RIT2: variants seen among roughly 807,000 people sequenced by gnomAD.
RIT2 encodes Ras like without CAAX 2, also known as GTP-binding protein Rit2.
Under a neutral mutation model 23.7 loss-of-function variants are expected in RIT2, and 24 were observed. That is an observed-to-expected ratio of 1.01 (90% CI 0.73 to 1.43). The LOEUF (loss-of-function observed/expected upper bound fraction) is 1.43, where lower values mean the gene tolerates loss of function less well. RIT2 is among the 40% of genes most tolerant of loss of function. RIT2 has a pLI of 0.00. For synonymous variants in RIT2, 107 were observed against 91.1 expected, an observed-to-expected ratio of 1.17 and a Z score of -0.99; for missense variants, 236 against 266.9, an observed-to-expected ratio of 0.88 and a Z score of 0.81.
At chr18:42,849,617 C>T (rs1447898372) in intron 4 of RIT2, among the ~76,000 whole-genome samples, 3 of 152,138 alleles carry the variant, frequency 2.0e-5, no homozygotes, top group African/African-American at 4.8e-5. Flanking sequence ...TGAAGCACCA[C>T]GTTATCTTCA....
At chr18:43,047,429 A>C (rs1912275097) in intron 1 of RIT2, among the ~76,000 whole-genome samples, 1 of 152,086 alleles carries the variant, frequency 6.6e-6, no homozygotes, top group Non-Finnish European at 1.5e-5. Context: ...ATTTCTGCCA[A>C]ATCACTCCCT....
chr18:42,974,564 G>A (rs1910436883), intron 2 of RIT2, among the ~76,000 whole-genome samples: 1 of 151,930 alleles, frequency 6.6e-6, no homozygotes, highest in Admixed American at 6.6e-5. Context: ...AGTACTAGAA[G>A]TCATAGCCAG....
intron 4 of RIT2, among the ~76,000 whole-genome samples, chr18:42,898,911 C>T (rs754863527): frequency 3.9e-5 from 6 of 152,102 alleles, no homozygotes; most frequent in East Asian, 1.9e-4. Flanking sequence ...TCCTTTTCAG[C>T]GCCCCTCATT....
intron 4 of RIT2, among the ~76,000 whole-genome samples, chr18:42,766,963 T>A (rs1353857426): frequency 6.6e-6 from 1 of 152,182 alleles, no homozygotes; most frequent in Non-Finnish European, 1.5e-5. Flanking sequence ...TTTGGGAGCC[T>A]CCGCCTAGAT....
At chr18:43,069,430 T>G (rs1261485659) in intron 1 of RIT2, among the ~76,000 whole-genome samples, 1 of 152,200 alleles carries the variant, frequency 6.6e-6, no homozygotes, top group East Asian at 1.9e-4. Flanking sequence ...ACCCGTTTCC[T>G]GTAACACTCT....
chr18:42,991,200 C>G (rs1295477130), intron 2 of RIT2, among the ~76,000 whole-genome samples: 1 of 152,148 alleles, frequency 6.6e-6, no homozygotes, highest in Admixed American at 6.5e-5. Flanking sequence ...ACTTTCCCAG[C>G]CCCTTTTGCA....
chr18:43,041,846 G>A (rs1486771795), intron 1 of RIT2, among the ~76,000 whole-genome samples: 1 of 151,888 alleles, frequency 6.6e-6, no homozygotes, highest in Non-Finnish European at 1.5e-5. Flanking sequence ...ACCCTCCTTG[G>A]AATGTCAGTG....
At chr18:42,750,853 G>A (rs1365612182) in intron 4 of RIT2, among the ~76,000 whole-genome samples, 1 of 151,508 alleles carries the variant, frequency 6.6e-6, no homozygotes, top group Non-Finnish European at 1.5e-5. Context: ...TTGAATCATA[G>A]GATGTCATAC....
chr18:42,998,166 T>C (rs1911029278), intron 2 of RIT2, among the ~76,000 whole-genome samples: 1 of 152,160 alleles, frequency 6.6e-6, no homozygotes, highest in South Asian at 2.1e-4. Flanking sequence ...ATTGTTTTAC[T>C]GGGAATTCCT....
chr18:43,067,809 C>T (rs985027642), intron 1 of RIT2, among the ~76,000 whole-genome samples: 3 of 151,344 alleles, frequency 2.0e-5, no homozygotes, highest in South Asian at 2.1e-4. Flanking sequence ...GTATGTCTGA[C>T]CCCTTGTTAC....
At chr18:42,830,434 G>T (rs1009255286) in intron 4 of RIT2, among the ~76,000 whole-genome samples, 2 of 152,190 alleles carry the variant, frequency 1.3e-5, no homozygotes, top group African/African-American at 4.8e-5. Context: ...ACAGACAGTA[G>T]TGAGAACTCC....
At chr18:42,783,569 A>C (rs1209418272) in intron 4 of RIT2, among the ~76,000 whole-genome samples, 4 of 152,088 alleles carry the variant, frequency 2.6e-5, no homozygotes, top group Non-Finnish European at 5.9e-5. Flanking sequence ...ATTTTAAAAC[A>C]AGTTCCAGAG....
At chr18:42,799,371 A>T (rs924516746) in intron 4 of RIT2, among the ~76,000 whole-genome samples, 61 of 152,210 alleles carry the variant, frequency 4.0e-4, no homozygotes, top group African/African-American at 1.4e-3. Flanking sequence ...CTCATAAATA[A>T]TCATCTTTCA....
At chr18:42,858,232 G>A (rs1283879150) in intron 4 of RIT2, among the ~76,000 whole-genome samples, 6 of 152,154 alleles carry the variant, frequency 3.9e-5, no homozygotes, top group Admixed American at 6.5e-5. Flanking sequence ...TTCAAGCAGA[G>A]TTGCTCTTAA....
chr18:42,904,437 T>C (rs1350614276), intron 4 of RIT2, among the ~76,000 whole-genome samples: 1 of 152,080 alleles, frequency 6.6e-6, no homozygotes, highest in East Asian at 1.9e-4. Flanking sequence ...ATTTAAGCAG[T>C]TTCCCAGAGA....
intron 1 of RIT2, among the ~76,000 whole-genome samples, chr18:43,094,123 GTTTTTT>G (rs376144367): frequency 3.4e-5 from 4 of 116,048 alleles, no homozygotes; most frequent in Non-Finnish European, 7.0e-5. Flanking sequence ...GGTTTTTTTT[GTTTTTT>G]TTTTTTTTTT....
intron 1 of RIT2, among the ~76,000 whole-genome samples, chr18:43,065,932 G>A (rs1434416129): frequency 6.6e-6 from 1 of 152,140 alleles, no homozygotes; most frequent in Non-Finnish European, 1.5e-5. Context: ...TGTTTAGTGA[G>A]TAACATTTAT....
chr18:43,050,991 A>G (rs1912367136), intron 1 of RIT2, among the ~76,000 whole-genome samples: 1 of 151,960 alleles, frequency 6.6e-6, no homozygotes, highest in African/African-American at 2.4e-5. Flanking sequence ...AATTAATCCA[A>G]CCTAAAAGGT....
At chr18:43,076,676 G>C (rs1044182863) in intron 1 of RIT2, among the ~76,000 whole-genome samples, 1 of 152,192 alleles carries the variant, frequency 6.6e-6, no homozygotes, top group Non-Finnish European at 1.5e-5. Context: ...GATATGTCTA[G>C]CAACATCTCT....
Sources: gnomAD v4.1 joint callset for allele counts (sites outside exome capture counted in the v4.1 genomes callset) on GRCh38, gnomAD v4.1.1 for gene constraint, MANE v1.5 for transcripts, NCBI Gene and HGNC (gene_info 2026-07-23, HGNC 2026-07-21) for gene names.